The following PVT1 variants were observed in gnomAD, a reference collection of about 807,000 sequenced individuals.
PVT1 encodes the protein CXCR4/PVT1 fusion.
intron 2 of PVT1, among the ~76,000 whole-genome samples, chr8:127,796,332 T>C (rs1473822853): frequency 6.6e-6 from 1 of 152,214 alleles, no homozygotes; most frequent in East Asian, 1.9e-4. Context: ...TGTGTTTCTG[T>C]GGCTGGAGCT....
chr8:127,938,268 C>T (rs1563644768), intron 3 of PVT1, among the ~76,000 whole-genome samples: 1 of 152,210 alleles, frequency 6.6e-6, no homozygotes, highest in African/African-American at 2.4e-5. Flanking sequence ...AATCTCAGCA[C>T]TTTCCAGGGA....
chr8:128,040,180 A>G (rs1482696962), intron 4 of PVT1, among the ~76,000 whole-genome samples: 1 of 152,262 alleles, frequency 6.6e-6, no homozygotes, highest in Non-Finnish European at 1.5e-5. Context: ...GAGATGTCAC[A>G]TGGAGTACGT....
chr8:127,989,004 A>G (rs1741856743), intron 3 of PVT1, among the ~76,000 whole-genome samples: 1 of 152,230 alleles, frequency 6.6e-6, no homozygotes, highest in Admixed American at 6.5e-5. Context: ...TGCTTGCCAC[A>G]TAAGCATTGC....
At chr8:128,092,832 G>A (rs1814376728) in intron 5 of PVT1, among the ~76,000 whole-genome samples, 1 of 151,932 alleles carries the variant, frequency 6.6e-6, no homozygotes, top group South Asian at 2.1e-4. Context: ...AATTATTTTT[G>A]CACCAACCTA....
chr8:127,881,423 ATTATTG>A (rs1420465469), intron 2 of PVT1, among the ~76,000 whole-genome samples: 2 of 136,024 alleles, frequency 1.5e-5, no homozygotes, highest in Non-Finnish European at 3.1e-5. Flanking sequence ...TATTATTAAT[ATTATTG>A]TTATTATATT....
At chr8:127,823,639 G>GACC (rs1251737422) in intron 2 of PVT1, among the ~76,000 whole-genome samples, 2 of 152,138 alleles carry the variant, frequency 1.3e-5, no homozygotes, top group African/African-American at 4.8e-5. Context: ...GAGGCAGGGA[G>GACC]ACCAGCATGC....
intron 2 of PVT1, among the ~76,000 whole-genome samples, chr8:127,844,199 T>G (rs1466207638): frequency 6.6e-6 from 1 of 152,124 alleles, no homozygotes; most frequent in Non-Finnish European, 1.5e-5. Context: ...TTAGCCAGGA[T>G]GGTCTTGATC....
intron 3 of PVT1, among the ~76,000 whole-genome samples, chr8:127,894,764 T>C (rs973936511): frequency 1.3e-5 from 2 of 152,096 alleles, no homozygotes; most frequent in East Asian, 1.9e-4. Context: ...AGGACTACAT[T>C]GGGGCACCGG....
At chr8:127,806,807 C>T (rs772919958) in intron 2 of PVT1, among the ~76,000 whole-genome samples, 3 of 151,644 alleles carry the variant, frequency 2.0e-5, no homozygotes, top group Non-Finnish European at 4.4e-5. Flanking sequence ...TGTAGTCTCT[C>T]GGATTTGTCT....
intron 4 of PVT1, among the ~76,000 whole-genome samples, chr8:127,992,072 A>G (rs1274897300): frequency 9.4e-6 from 1 of 106,746 alleles, no homozygotes; most frequent in Non-Finnish European, 2.1e-5. Context: ...TCTTTCTTAA[A>G]ACAAAAAAAA....
chr8:127,812,760 A>G, intron 2 of PVT1, among the ~76,000 whole-genome samples: 1 of 152,212 alleles, frequency 6.6e-6, no homozygotes, highest in South Asian at 2.1e-4. Flanking sequence ...ATCTTGACGA[A>G]AAAAGTCTCA....
intron 4 of PVT1, among the ~76,000 whole-genome samples, chr8:127,990,054 A>G (rs1817015334): frequency 1.3e-5 from 2 of 152,210 alleles, no homozygotes; most frequent in Admixed American, 6.5e-5. Flanking sequence ...TATGCCATTT[A>G]GAATTCCTTC....
intron 2 of PVT1, chr8:127,854,789 G>A (rs747579020): frequency 1.9e-4 from 33 of 172,596 alleles, no homozygotes; most frequent in South Asian, 2.0e-4. Flanking sequence ...CTGCGTCTTC[G>A]TATTTTGTGA....
intron 4 of PVT1, among the ~76,000 whole-genome samples, chr8:128,068,887 A>G (rs1813946830): frequency 6.6e-6 from 1 of 152,234 alleles, no homozygotes; most frequent in Non-Finnish European, 1.5e-5. Flanking sequence ...ACAATTTGTC[A>G]AGAGGCATCA....
intron 6 of PVT1, among the ~76,000 whole-genome samples, chr8:128,100,518 G>T (rs1814491081): frequency 1.3e-5 from 2 of 152,200 alleles, no homozygotes; most frequent in Admixed American, 1.3e-4. Flanking sequence ...GTCAAGCCCA[G>T]ACCTAAAGGA....
At chr8:128,059,015 A>G (rs1350895709) in intron 4 of PVT1, among the ~76,000 whole-genome samples, 2 of 152,032 alleles carry the variant, frequency 1.3e-5, no homozygotes, top group East Asian at 3.9e-4. Flanking sequence ...TGCAACACAC[A>G]TCTCAGATGA....
rs116688088 is a variant in PVT1, at chr8:127,819,399, A to G, written n.372+23328A>G. Among the ~76,000 whole-genome samples, 1,144 of 152,262 alleles carry G rather than the reference A, an allele frequency of 7.5e-3. 13 individuals are homozygous for G. Among genetic ancestry groups the G allele is most frequent in the African/African-American group, 0.026 (1,084 of 41,536 alleles). On this transcript the variant is annotated intron_variant and non_coding_transcript_variant, in intron 2 of 10. Transcript: ENST00000651587. Reference sequence around the variant, plus strand: ...CTCTGCATCTGTATTCAACCTGTATACTTAATCTTCACAACAGTTGAGGTG... The same window carrying G: ...CTCTGCATCTGTATTCAACCTGTATGCTTAATCTTCACAACAGTTGAGGTG...
chr8:127,872,664 G>A (rs1170110700), intron 2 of PVT1, among the ~76,000 whole-genome samples: 5 of 152,164 alleles, frequency 3.3e-5, no homozygotes, highest in Admixed American at 6.5e-5. Context: ...TGACCTTTCC[G>A]TAGAATGTCA....
chr8:127,885,220 G>T (rs1815509941), intron 2 of PVT1, among the ~76,000 whole-genome samples: 1 of 152,152 alleles, frequency 6.6e-6, no homozygotes, highest in Admixed American at 6.5e-5. Flanking sequence ...AGTCACTGCT[G>T]TGGGGTGACT....
Sources: allele counts gnomAD v4.1 joint callset (sites outside exome capture counted in the v4.1 genomes callset), GRCh38; gene constraint gnomAD v4.1.1; transcripts MANE v1.5; gene names NCBI Gene and HGNC (gene_info 2026-07-23, HGNC 2026-07-21).